The following FSTL4 variants were observed in gnomAD, a reference collection of about 807,000 sequenced individuals.
The protein encoded by FSTL4 is follistatin like 4, also known as follistatin-related protein 4.
FSTL4 carries 28 observed loss-of-function variants against 78.2 expected under a neutral mutation model. That is an observed-to-expected ratio of 0.36 (90% CI 0.27 to 0.49). The LOEUF is 0.49. Among genes scored for constraint, FSTL4 ranks in the 20% least tolerant of loss-of-function variants. The pLI is 0.98. For synonymous variants in FSTL4, 422 were observed against 440.5 expected, an observed-to-expected ratio of 0.96 and a Z score of 0.53; for missense variants, 922 against 1,084.9, an observed-to-expected ratio of 0.85 and a Z score of 2.11.
chr5:133,229,744 G>A (rs1056674723), intron 8 of FSTL4, among the ~76,000 whole-genome samples: 1 of 152,196 alleles, frequency 6.6e-6, no homozygotes, highest in Non-Finnish European at 1.5e-5. Flanking sequence ...CCGCCTTAAT[G>A]ATCTTGATGC....
rs781484934 is a variant in FSTL4 at position 133,224,211 on chromosome 5, T to C, written c.1318A>G (p.Asn440Asp). 5.3e-5 allele frequency: 85 copies of C among 1,612,424 alleles called. No homozygotes were observed. Among genetic ancestry groups the C allele is most frequent in the Non-Finnish European group, 6.6e-5 (78 of 1,178,730 alleles). Residue 440 changes from asparagine to aspartate, a missense_variant, in exon 11 of 16, where the codon AAC (asparagine) becomes GAC (aspartate). Coordinates refer to ENST00000265342, the MANE Select transcript of FSTL4 (RefSeq NM_015082.2). ...IEDSARKTLA[N>D]ILWREEGLSV... ...GTACCTTCCTCTCGCCACAGGATGT[T>C]TGCAACTGCAGCAGCAGAGAATGAG... is the stretch of plus-strand genomic sequence containing the variant.
chr5:133,425,930 T>C (rs1201226648), intron 3 of FSTL4, among the ~76,000 whole-genome samples: 1 of 152,188 alleles, frequency 6.6e-6, no homozygotes, highest in Non-Finnish European at 1.5e-5. Flanking sequence ...AGCCTGCATT[T>C]GAAGTTAGGG....
chr5:133,737,602 CTTTTT>C, the FSTL4 span, among the ~76,000 whole-genome samples: 3 of 117,622 alleles, frequency 2.6e-5, no homozygotes, highest in Admixed American at 9.3e-5. Context: ...GGCTGATTTC[CTTTTT>C]TTTTTTTTTT....
rs1296023374 is a variant in FSTL4 at position 133,338,999 on chromosome 5, T to C, written c.410-22347A>G. ...CCACTCAGTAGCTGGAGGAATCTTA[T>C]GGGGGCTCCCACTGCCTTCGGGCTG... On this transcript the variant is annotated intron_variant, in intron 4 of 15. Transcript: ENST00000265342. This position sits in a 1 kb window ranked among gnomAD's most constrained non-coding sequence, Gnocchi z 4.0. 2.0e-5 allele frequency among the ~76,000 whole-genome samples: 3 copies of C among 152,264 alleles called. No individual in the cohort carries two copies. The highest frequency in any genetic ancestry group is 2.1e-4 in the South Asian group (1 of 4,820).
chr5:133,258,531 T>C (rs1451637592), intron 6 of FSTL4, among the ~76,000 whole-genome samples: 2 of 152,218 alleles, frequency 1.3e-5, no homozygotes, highest in Non-Finnish European at 2.9e-5. Context: ...CAGAAGCCAA[T>C]GTTTTATTGG....
At chr5:133,224,891 T>C (rs551694460) in intron 10 of FSTL4, among the ~76,000 whole-genome samples, 1 of 151,748 alleles carries the variant, frequency 6.6e-6, no homozygotes, top group East Asian at 1.9e-4. Flanking sequence ...ACTATTTGGG[T>C]TTCCTTGTGT....
At chr5:133,201,277 G>A (rs1242648374) in intron 15 of FSTL4, among the ~76,000 whole-genome samples, 2 of 152,194 alleles carry the variant, frequency 1.3e-5, no homozygotes, top group Admixed American at 6.5e-5. Flanking sequence ...TACGGATGGG[G>A]ACTGACCATG....
Position 133,393,034 on chromosome 5 carries a change from C to G in FSTL4, c.409+7704G>C, listed in dbSNP as rs1395851640. 2.6e-5 allele frequency among the ~76,000 whole-genome samples: 4 copies of G among 152,090 alleles called. No individual in the cohort carries two copies. The East Asian group carries it at 7.7e-4, about 29-fold the overall frequency. The stretch of plus-strand genomic sequence containing the variant: ...CTTGCATAAAACCTGGAGGAAATAT[C>G]CAAAGAACACACATATTTGTTTTAG... On this transcript the variant is annotated intron_variant, in intron 4 of 15. Transcript: ENST00000265342.
chr5:133,747,414 G>A, the FSTL4 span, among the ~76,000 whole-genome samples: 1 of 152,132 alleles, frequency 6.6e-6, no homozygotes, highest in African/African-American at 2.4e-5. Context: ...TTATTGAAAT[G>A]CTAATCAATC....
At chr5:133,220,936 T>G (rs1313950317) in intron 11 of FSTL4, 70 bp from the exon 12 acceptor site, 1 of 890,536 alleles carries the variant, frequency 1.1e-6, no homozygotes, top group Admixed American at 1.7e-5. Flanking sequence ...CACGCAGCAT[T>G]GAACACACAA....
intron 14 of FSTL4, among the ~76,000 whole-genome samples, chr5:133,206,946 C>CTT (rs1750533849): frequency 6.6e-6 from 1 of 151,950 alleles, no homozygotes; most frequent in Non-Finnish European, 1.5e-5. Flanking sequence ...GTCTCTTTTT[C>CTT]TTTGCTTTTG....
intron 3 of FSTL4, among the ~76,000 whole-genome samples, chr5:133,517,441 A>ATATATATATAT (rs1241999793): frequency 1.3e-4 from 4 of 30,116 alleles, no homozygotes; most frequent in African/African-American, 3.2e-4. Context: ...AAAAAAAAAA[A>ATATATATATAT]AAAAAAATAT....
chr5:133,323,999 A>G (rs930597483), intron 4 of FSTL4, among the ~76,000 whole-genome samples: 3 of 152,224 alleles, frequency 2.0e-5, no homozygotes, highest in African/African-American at 7.2e-5. Context: ...AGATGATTAT[A>G]GCAGGAGAAC....
At chr5:133,712,063 C>T in the FSTL4 span, among the ~76,000 whole-genome samples, 6 of 152,190 alleles carry the variant, frequency 3.9e-5, no homozygotes, top group African/African-American at 1.4e-4. Context: ...CGCCCAAGAA[C>T]AAGTGCCATA....
the FSTL4 span, among the ~76,000 whole-genome samples, chr5:133,632,161 A>G: frequency 1.3e-5 from 2 of 152,202 alleles, no homozygotes; most frequent in African/African-American, 4.8e-5. Context: ...AAAAAGAATT[A>G]TATCATATAT....
the FSTL4 span, among the ~76,000 whole-genome samples, chr5:133,684,073 C>T: frequency 6.6e-6 from 1 of 152,220 alleles, no homozygotes. Context: ...TTATCACCGA[C>T]TTAATGCCCC....
chr5:133,591,844 T>C (rs1167748047), intron 2 of FSTL4, among the ~76,000 whole-genome samples: 1 of 152,138 alleles, frequency 6.6e-6, no homozygotes, highest in Non-Finnish European at 1.5e-5. Context: ...CCTCTAAGCC[T>C]GAGCCCATGA....
intron 4 of FSTL4, among the ~76,000 whole-genome samples, chr5:133,372,787 C>T (rs962248277): frequency 7.2e-5 from 11 of 152,170 alleles, no homozygotes; most frequent in African/African-American, 2.2e-4. Context: ...GCGAACTGAG[C>T]CTCCAGCGGG....
At chr5:133,458,670 G>T (rs575469326) in intron 3 of FSTL4, among the ~76,000 whole-genome samples, 1 of 152,352 alleles carries the variant, frequency 6.6e-6, no homozygotes, top group East Asian at 1.9e-4. Flanking sequence ...GGCCTCATGG[G>T]AATGCCCCCA....
Sources: gnomAD v4.1 joint callset for allele counts (sites outside exome capture counted in the v4.1 genomes callset) on GRCh38, gnomAD v4.1.1 for gene constraint, Gnocchi (gnomAD v3.1) non-coding constraint, MANE v1.5 for transcripts, NCBI Gene and HGNC (gene_info 2026-07-23, HGNC 2026-07-21) for gene names.